Variants in DCC observed in about 807,000 individuals in gnomAD.
DCC encodes the protein netrin receptor DCC.
In DCC, 58 loss-of-function variants were observed where a neutral mutation model predicts 172.5. The observed-to-expected ratio is 0.34, with a 90% confidence interval of 0.27 to 0.42. The LOEUF (loss-of-function observed/expected upper bound fraction) is 0.42, where lower values mean the gene tolerates loss of function less well. Among genes scored for constraint, DCC ranks in the 10% least tolerant of loss-of-function variants. The pLI is 1.00. For missense variants in DCC, 1,740 were observed against 1,791.0 expected, an observed-to-expected ratio of 0.97 and a Z score of 0.51; for synonymous variants, 709 against 644.5, an observed-to-expected ratio of 1.10 and a Z score of -1.52.
At chr18:53,454,824 T>C (rs2045463902) in intron 23 of DCC, among the ~76,000 whole-genome samples, 3 of 152,218 alleles carry the variant, frequency 2.0e-5, no homozygotes, top group Admixed American at 6.5e-5. Flanking sequence ...AACGTTTTAA[T>C]TGGTTTTCAA....
rs34382170 is a variant in DCC, at chr18:53,292,113, ACC to A, written c.1912-13455_1912-13454del. Among the ~76,000 whole-genome samples, 551 of 135,920 alleles carry A rather than the reference ACC, an allele frequency of 4.1e-3. 1 individual carries two copies. Among genetic ancestry groups the A allele is most frequent in the South Asian group, 9.3e-3 (39 of 4,188 alleles). 89.2% of individuals were successfully genotyped at this position (135,920 alleles called of 152,430 possible). ...CATGTCTTTTTATTCTTTGAGCTCC[ACC>A]CCCCCCCCCTTTTTTCCTGTAAGCT... On this transcript the variant is annotated intron_variant, in intron 12 of 28. Transcript: ENST00000442544.
At chr18:53,244,620 C>T (rs1409999145) in intron 12 of DCC, among the ~76,000 whole-genome samples, 3 of 152,038 alleles carry the variant, frequency 2.0e-5, no homozygotes, top group African/African-American at 7.2e-5. Flanking sequence ...GTCGGGAACT[C>T]ATTTGGGACT....
chr18:52,905,890 A>G (rs1384102846), intron 2 of DCC, among the ~76,000 whole-genome samples, 154 bp from the exon 3 acceptor site: 1 of 152,226 alleles, frequency 6.6e-6, no homozygotes, highest in Non-Finnish European at 1.5e-5. Flanking sequence ...CCAGACAGAA[A>G]ATGTGGTAAA....
At chr18:52,553,180 A>G (rs1475831203) in intron 1 of DCC, among the ~76,000 whole-genome samples, 1 of 152,050 alleles carries the variant, frequency 6.6e-6, no homozygotes, top group Admixed American at 6.6e-5. Context: ...GTATATATAG[A>G]TGCACATGTA....
chr18:52,793,210 T>C (rs1197294452), intron 2 of DCC, among the ~76,000 whole-genome samples: 1 of 152,214 alleles, frequency 6.6e-6, no homozygotes, highest in Non-Finnish European at 1.5e-5. Context: ...AAATGGACTT[T>C]CCGGTTGATT....
chr18:52,751,676 C>T (rs1028454804), intron 1 of DCC, among the ~76,000 whole-genome samples: 2 of 152,020 alleles, frequency 1.3e-5, no homozygotes, highest in African/African-American at 4.8e-5. Flanking sequence ...AATAGTCTCC[C>T]CAAAAGTCTT....
intron 2 of DCC, among the ~76,000 whole-genome samples, chr18:52,834,585 T>C (rs8090002): frequency 0.051 from 7,795 of 152,224 alleles, 692 homozygotes; most frequent in African/African-American, 0.18. Flanking sequence ...CTAACACTTA[T>C]AAAAGCACAC....
At chr18:52,921,560 G>A (rs2040125568) in intron 3 of DCC, among the ~76,000 whole-genome samples, 1 of 151,860 alleles carries the variant, frequency 6.6e-6, no homozygotes, top group South Asian at 2.1e-4. Flanking sequence ...TGAGCCAGGT[G>A]TGGTGGTACA....
intron 1 of DCC, among the ~76,000 whole-genome samples, chr18:52,434,128 T>C (rs1987713335): frequency 1.3e-5 from 2 of 152,220 alleles, no homozygotes; most frequent in South Asian, 4.1e-4. Context: ...CATATTGTAA[T>C]CAATGCATAA....
Position 52,509,052 on chromosome 18 carries a change from G to A in DCC, c.91+168174G>A, listed in dbSNP as rs545727334. On this transcript the variant is annotated intron_variant, in intron 1 of 28. Transcript: ENST00000442544. ...TTAAGAGTTTAATTATTGGAAAGAC[G>A]TTTTTGAAGTAAGTGTGGAAGAACT... Among the ~76,000 whole-genome samples the A allele has an allele frequency of 1.3e-4, 20 of 152,290 alleles. 1 individual carries two copies. The highest frequency in any genetic ancestry group is 8.3e-4 in the South Asian group (4 of 4,828).
intron 2 of DCC, among the ~76,000 whole-genome samples, chr18:52,874,625 T>C (rs779978695): frequency 7.9e-5 from 12 of 152,198 alleles, no homozygotes; most frequent in African/African-American, 2.2e-4. Flanking sequence ...TCACACATGT[T>C]CTTTAATTTT....
intron 1 of DCC, among the ~76,000 whole-genome samples, chr18:52,471,730 A>T (rs1270055740): frequency 1.3e-5 from 2 of 152,230 alleles, no homozygotes; most frequent in Admixed American, 6.5e-5. Flanking sequence ...GGTACTTCTA[A>T]GTCCTGCAAT....
chr18:52,636,811 G>T (rs192750813), intron 1 of DCC, among the ~76,000 whole-genome samples: 1 of 152,136 alleles, frequency 6.6e-6, no homozygotes, highest in African/African-American at 2.4e-5. Flanking sequence ...CCCTCTCCAT[G>T]CTACTTACAG....
chr18:52,487,626 C>T (rs1053540773), intron 1 of DCC, among the ~76,000 whole-genome samples: 3 of 151,874 alleles, frequency 2.0e-5, no homozygotes, highest in African/African-American at 7.3e-5. Context: ...GCCTGGCCAA[C>T]ATGGTGAAAT....
intron 1 of DCC, among the ~76,000 whole-genome samples, chr18:52,383,462 CTTA>C (rs921656091): frequency 6.6e-5 from 10 of 151,878 alleles, no homozygotes; most frequent in Non-Finnish European, 1.2e-4. Flanking sequence ...CCATTTGTAT[CTTA>C]TTATTTATCT....
intron 12 of DCC, among the ~76,000 whole-genome samples, chr18:53,253,151 A>G (rs1358814192): frequency 1.3e-5 from 2 of 151,962 alleles, no homozygotes; most frequent in Non-Finnish European, 2.9e-5. Flanking sequence ...CCAAACCGAG[A>G]CAGTCAGTAG....
At chr18:52,975,258 G>A (rs1040442714) in intron 5 of DCC, among the ~76,000 whole-genome samples, 1 of 152,172 alleles carries the variant, frequency 6.6e-6, no homozygotes, top group Non-Finnish European at 1.5e-5. Context: ...GCTTGCAGAT[G>A]GCTGCCTTCT....
chr18:52,409,543 A>C (rs1437648203), intron 1 of DCC, among the ~76,000 whole-genome samples: 2 of 152,168 alleles, frequency 1.3e-5, no homozygotes, highest in Non-Finnish European at 2.9e-5. Context: ...ATTTAGAGCC[A>C]GCGGCCTGGG....
chr18:53,392,489 T>G (rs991706967), intron 17 of DCC, among the ~76,000 whole-genome samples: 5 of 152,194 alleles, frequency 3.3e-5, no homozygotes, highest in Non-Finnish European at 7.3e-5. Flanking sequence ...CAGAGTTATC[T>G]GACAACCTCT....
Sources: allele counts gnomAD v4.1 joint callset (sites outside exome capture counted in the v4.1 genomes callset), GRCh38; gene constraint gnomAD v4.1.1; transcripts MANE v1.5; gene names NCBI Gene and HGNC (gene_info 2026-07-23, HGNC 2026-07-21).